Variants in RNF180 observed in about 807,000 individuals in gnomAD.
The protein encoded by RNF180 is E3 ubiquitin-protein ligase RNF180.
In RNF180, 38 loss-of-function variants were observed where a neutral mutation model predicts 59.2. The observed-to-expected ratio is 0.64, with a 90% CI of 0.50 to 0.84. The LOEUF is 0.84. Ranked by LOEUF, RNF180 falls within the 40% of genes least tolerant of loss-of-function variation. The pLI is 0.00. For synonymous variants in RNF180, 262 were observed against 240.3 expected (o/e 1.09, Z -0.84); for missense variants, 705 against 700.9 (o/e 1.01, Z -0.07).
At chr5:64,306,877 T>C (rs1417786723) in intron 5 of RNF180, among the ~76,000 whole-genome samples, 1 of 151,188 alleles carries the variant, frequency 6.6e-6, no homozygotes, top group Non-Finnish European at 1.5e-5. Flanking sequence ...TAATGCTAAA[T>C]GACAAGTTAA....
intron 5 of RNF180, among the ~76,000 whole-genome samples, chr5:64,254,570 T>C (rs1185519364): frequency 6.6e-6 from 1 of 152,112 alleles, no homozygotes; most frequent in African/African-American, 2.4e-5. Flanking sequence ...ATCAAATAAA[T>C]TGAGTTTTGT....
chr5:64,186,791 A>G (rs1188461015), intron 1 of RNF180, among the ~76,000 whole-genome samples: 2 of 152,156 alleles, frequency 1.3e-5, no homozygotes, highest in Admixed American at 6.6e-5. Flanking sequence ...CAGAACTTGT[A>G]TACTCATCAT....
intron 5 of RNF180, among the ~76,000 whole-genome samples, chr5:64,227,884 C>T (rs924778762): frequency 6.6e-6 from 1 of 152,156 alleles, no homozygotes; most frequent in Non-Finnish European, 1.5e-5. Flanking sequence ...ACACTGCCAA[C>T]CTGTTTTTCT....
At chr5:64,198,237 T>C (rs566105279) in intron 1 of RNF180, among the ~76,000 whole-genome samples, 1 of 152,316 alleles carries the variant, frequency 6.6e-6, no homozygotes, top group African/African-American at 2.4e-5. Context: ...GACATCTCAA[T>C]TTAGATAACT....
chr5:64,241,847 G>A (rs1480591108), intron 5 of RNF180, among the ~76,000 whole-genome samples: 1 of 152,080 alleles, frequency 6.6e-6, no homozygotes, highest in Non-Finnish European at 1.5e-5. Context: ...TTTCCTGGGG[G>A]AAAAAGAGGG....
At chr5:64,235,989 A>G (rs139393037) in intron 5 of RNF180, among the ~76,000 whole-genome samples, 99 of 152,344 alleles carry the variant, frequency 6.5e-4, no homozygotes, top group Non-Finnish European at 1.2e-3. Flanking sequence ...AAAGACTAAT[A>G]CAGAGAATTG....
chr5:64,182,091 C>T (rs1349261087), intron 1 of RNF180, among the ~76,000 whole-genome samples: 1 of 149,446 alleles, frequency 6.7e-6, no homozygotes, highest in Admixed American at 6.7e-5. Context: ...TCCAGGTTCA[C>T]ACCATTCTCC....
At chr5:64,302,692 A>G (rs1179982492) in intron 5 of RNF180, among the ~76,000 whole-genome samples, 1 of 151,610 alleles carries the variant, frequency 6.6e-6, no homozygotes, top group Non-Finnish European at 1.5e-5. Context: ...TGACATGTCC[A>G]TCTTTCTTTA....
intron 5 of RNF180, among the ~76,000 whole-genome samples, chr5:64,235,481 A>G (rs1372819064): frequency 3.3e-5 from 5 of 152,030 alleles, no homozygotes; most frequent in Non-Finnish European, 7.4e-5. Context: ...TAGGATAAAT[A>G]TATACATTTG....
rs574782931 is a variant in RNF180 at position 64,230,705 on chromosome 5, TA to T, written c.1227+13310del. Among the ~76,000 whole-genome samples the T allele has an allele frequency of 9.8e-5, 15 of 152,290 alleles. No homozygotes were observed. In the East Asian group the frequency reaches 2.9e-3, roughly 29 times the overall value. Reference sequence around the variant, plus strand: ...GGCCTCTTTGAAGTGGGGAGGGAAATATTATTCTGCTTACCACAGATAGTTT... The same window carrying T: ...GGCCTCTTTGAAGTGGGGAGGGAAATTTATTCTGCTTACCACAGATAGTTT... On this transcript the variant is annotated intron_variant, in intron 5 of 7. Coordinates refer to ENST00000389100, the MANE Select transcript of RNF180 (RefSeq NM_001113561.2).
At chr5:64,205,685 G>A (rs1164178446) in intron 2 of RNF180, among the ~76,000 whole-genome samples, 3 of 152,092 alleles carry the variant, frequency 2.0e-5, no homozygotes, top group African/African-American at 7.2e-5. Flanking sequence ...AGCTGTGAGA[G>A]TAGATGAGAT....
intron 5 of RNF180, among the ~76,000 whole-genome samples, chr5:64,235,831 T>C (rs1472167428): frequency 2.0e-5 from 3 of 152,208 alleles, no homozygotes; most frequent in African/African-American, 7.2e-5. Flanking sequence ...CCTGTCACCA[T>C]GTAAGACATG....
At chr5:64,366,980 T>A (rs951622054) in intron 7 of RNF180, among the ~76,000 whole-genome samples, 14 of 151,530 alleles carry the variant, frequency 9.2e-5, no homozygotes, top group African/African-American at 2.7e-4. Context: ...ACAGGAAAAG[T>A]ATCTAGTCAC....
At chr5:64,356,208 G>A (rs1157064892) in intron 7 of RNF180, among the ~76,000 whole-genome samples, 1 of 151,646 alleles carries the variant, frequency 6.6e-6, no homozygotes, top group East Asian at 2.0e-4. Flanking sequence ...GCTGAAGTGA[G>A]CTATTGCTGT....
intron 5 of RNF180, among the ~76,000 whole-genome samples, chr5:64,244,019 C>G (rs1401792393): frequency 1.3e-5 from 2 of 152,158 alleles, no homozygotes; most frequent in Non-Finnish European, 2.9e-5. Context: ...AGAAGGAAAA[C>G]TAACAAGCAG....
chr5:64,226,914 C>A (rs1741800173), intron 5 of RNF180, among the ~76,000 whole-genome samples: 1 of 152,214 alleles, frequency 6.6e-6, no homozygotes, highest in Non-Finnish European at 1.5e-5. Flanking sequence ...CCAAAAAGTC[C>A]TGTCTTGCAA....
intron 5 of RNF180, among the ~76,000 whole-genome samples, chr5:64,271,857 A>G (rs752598592): frequency 2.0e-5 from 3 of 151,922 alleles, no homozygotes; most frequent in Non-Finnish European, 4.4e-5. Flanking sequence ...ATGAAGGAGG[A>G]TTTCACACAC....
chr5:64,227,884 C>A (rs924778762), intron 5 of RNF180, among the ~76,000 whole-genome samples: 1 of 152,156 alleles, frequency 6.6e-6, no homozygotes, highest in Non-Finnish European at 1.5e-5. Context: ...ACACTGCCAA[C>A]CTGTTTTTCT....
chr5:64,310,496 A>G (rs1022851471), intron 5 of RNF180, among the ~76,000 whole-genome samples: 3 of 150,524 alleles, frequency 2.0e-5, no homozygotes, highest in Non-Finnish European at 3.0e-5. Context: ...GGTTTTTGTT[A>G]TGACTGCAAA....
Sources: gnomAD v4.1 joint callset for allele counts (sites outside exome capture counted in the v4.1 genomes callset) on GRCh38, gnomAD v4.1.1 for gene constraint, MANE v1.5 for transcripts, NCBI Gene and HGNC (gene_info 2026-07-23, HGNC 2026-07-21) for gene names.